The following CPQ variants were observed in gnomAD, a reference collection of about 807,000 sequenced individuals.
CPQ encodes Ser-Met dipeptidase.
Under a neutral mutation model 45.7 loss-of-function variants are expected in CPQ, and 37 were observed. The ratio of observed to expected loss-of-function variants is 0.81; its 90% CI spans 0.62 to 1.07. CPQ has a LOEUF of 1.07. CPQ is among the 50% of genes least tolerant of loss of function. CPQ has a pLI of 0.00. For missense variants in CPQ, 537 were observed against 572.9 expected (o/e 0.94, Z 0.64); for synonymous variants, 186 against 205.8 (o/e 0.90, Z 0.82).
chr8:97,141,428 A>AAAAACATAC (rs1189004372), intron 7 of CPQ, among the ~76,000 whole-genome samples: 2 of 152,164 alleles, frequency 1.3e-5, no homozygotes, highest in African/African-American at 4.8e-5. Flanking sequence ...ATCCACATGT[A>AAAAACATAC]AAAACATACT....
intron 4 of CPQ, among the ~76,000 whole-genome samples, chr8:96,920,699 C>T (rs567919586): frequency 3.8e-4 from 58 of 152,218 alleles, no homozygotes; most frequent in Non-Finnish European, 6.8e-4. Context: ...GTGGGGTCTG[C>T]TTCAATGTGA....
chr8:97,142,023 C>T (rs948876594), intron 7 of CPQ, among the ~76,000 whole-genome samples: 2 of 152,070 alleles, frequency 1.3e-5, no homozygotes, highest in Non-Finnish European at 2.9e-5. Flanking sequence ...TAGTGGGTAC[C>T]TCTGGAGGGA....
chr8:96,827,730 T>C (rs1409124754), intron 2 of CPQ, among the ~76,000 whole-genome samples: 1 of 151,840 alleles, frequency 6.6e-6, no homozygotes, highest in East Asian at 1.9e-4. Flanking sequence ...TTTCACAGGA[T>C]AAAAAAAAGT....
At chr8:96,993,473 A>G (rs1041595509) in intron 5 of CPQ, among the ~76,000 whole-genome samples, 1 of 152,174 alleles carries the variant, frequency 6.6e-6, no homozygotes. Flanking sequence ...TAAAAGCATT[A>G]TTACTCACTA....
At chr8:96,911,339 T>G (rs946431085) in intron 4 of CPQ, among the ~76,000 whole-genome samples, 2 of 152,246 alleles carry the variant, frequency 1.3e-5, no homozygotes, top group African/African-American at 4.8e-5. Context: ...GCCAAGTTTA[T>G]GTTTAGTCCA....
chr8:96,746,625 T>G (rs1810186511), intron 1 of CPQ, among the ~76,000 whole-genome samples: 1 of 152,230 alleles, frequency 6.6e-6, no homozygotes, highest in South Asian at 2.1e-4. Context: ...GGAGCTTTCA[T>G]TGACCTGTGC....
intron 7 of CPQ, among the ~76,000 whole-genome samples, chr8:97,120,877 A>G (rs1345589403): frequency 6.6e-6 from 1 of 152,262 alleles, no homozygotes; most frequent in Non-Finnish European, 1.5e-5. Flanking sequence ...ATGATGAGTA[A>G]TAATGATACT....
At chr8:96,793,291 G>A (rs1810876413) in intron 2 of CPQ, among the ~76,000 whole-genome samples, 1 of 152,142 alleles carries the variant, frequency 6.6e-6, no homozygotes, top group East Asian at 1.9e-4. Context: ...AAAAGAAAGA[G>A]GTTTATTAGA....
chr8:96,992,268 G>A (rs1423712843), intron 5 of CPQ, among the ~76,000 whole-genome samples: 1 of 152,152 alleles, frequency 6.6e-6, no homozygotes, highest in Admixed American at 6.5e-5. Context: ...GTCTGAGGAG[G>A]ATCTAGACTG....
intron 3 of CPQ, among the ~76,000 whole-genome samples, chr8:96,838,306 G>A (rs961721894): frequency 5.9e-5 from 9 of 152,084 alleles, no homozygotes; most frequent in Non-Finnish European, 1.2e-4. Context: ...TGGTTTCAAG[G>A]GGGTGGTCAG....
At position 96,854,554 on chromosome 8, in the gene CPQ, A is replaced by AC. The variant is rs1563513682; in HGVS notation, c.641+19374_641+19375insC. ...TCAAAAAAAAAAAAAAAAAAAAAAA[A>AC]AAAAATGTGGTGGAACTAAAAGCCC... On this transcript the variant is annotated intron_variant, in intron 3 of 7. Coordinates refer to ENST00000220763, the MANE Select transcript of CPQ (RefSeq NM_016134.4). 1.0e-3 allele frequency among the ~76,000 whole-genome samples: 135 copies of AC among 130,546 alleles called. 16 individuals carry two copies. The highest frequency in any genetic ancestry group is 3.8e-3 in the Middle Eastern group (1 of 264). The allele number at this position is 130,546 out of a possible 152,430, so 85.6% of individuals were successfully genotyped here.
Position 96,828,299 on chromosome 8 carries a change from T to C in CPQ, c.434-6674T>C, listed in dbSNP as rs574299197. 3.4e-4 allele frequency among the ~76,000 whole-genome samples: 51 copies of C among 152,092 alleles called. 1 individual carries two copies. Among genetic ancestry groups the C allele is most frequent in the Non-Finnish European group, 4.9e-4 (33 of 67,996 alleles). The stretch of plus-strand genomic sequence containing the variant: ...TGAATGTGAATTTGTCTGACTTCCC[T>C]ATCCTTACCCAAAGTCCTTAATACA... On this transcript the variant is annotated intron_variant, in intron 2 of 7. Transcript: ENST00000220763.
intron 2 of CPQ, among the ~76,000 whole-genome samples, chr8:96,830,277 T>G (rs1811437314): frequency 6.6e-6 from 1 of 152,160 alleles, no homozygotes; most frequent in Non-Finnish European, 1.5e-5. Flanking sequence ...CTTTTTATTT[T>G]GATGGTAGAA....
intron 6 of CPQ, among the ~76,000 whole-genome samples, chr8:97,036,742 C>CTG (rs1810013074): frequency 6.6e-6 from 1 of 152,186 alleles, no homozygotes; most frequent in Non-Finnish European, 1.5e-5. Context: ...AAAATATGAT[C>CTG]TGGCATAATT....
chr8:96,658,464 G>T (rs1815662131), intron 1 of CPQ, among the ~76,000 whole-genome samples: 2 of 152,204 alleles, frequency 1.3e-5, no homozygotes, highest in African/African-American at 4.8e-5. Context: ...AATTATAACT[G>T]TCTGCAGTGG....
chr8:97,067,508 T>G (rs1810659903), intron 7 of CPQ, among the ~76,000 whole-genome samples: 1 of 152,226 alleles, frequency 6.6e-6, no homozygotes, highest in South Asian at 2.1e-4. Context: ...TCTCTGGACC[T>G]ACTCCACTCC....
intron 1 of CPQ, among the ~76,000 whole-genome samples, chr8:96,685,215 G>C (rs1809210432): frequency 6.6e-6 from 1 of 151,804 alleles, no homozygotes. Flanking sequence ...TTGATTTTTT[G>C]TTATGAAATA....
chr8:96,767,546 C>T (rs1276836888), intron 1 of CPQ, among the ~76,000 whole-genome samples: 1 of 150,972 alleles, frequency 6.6e-6, no homozygotes, highest in Admixed American at 6.6e-5. Flanking sequence ...CACCTACTCC[C>T]CTGATAAATA....
At chr8:96,804,546 T>G (rs1811052983) in intron 2 of CPQ, among the ~76,000 whole-genome samples, 1 of 148,866 alleles carries the variant, frequency 6.7e-6, no homozygotes, top group African/African-American at 2.5e-5. Flanking sequence ...TTCCTAAAAG[T>G]TTTTTTTTTC....
Sources: gnomAD v4.1 joint callset for allele counts (sites outside exome capture counted in the v4.1 genomes callset) on GRCh38, gnomAD v4.1.1 for gene constraint, MANE v1.5 for transcripts, NCBI Gene and HGNC (gene_info 2026-07-23, HGNC 2026-07-21) for gene names.